MAP3K5: variants seen among roughly 807,000 people sequenced by gnomAD.
MAP3K5 encodes the protein mitogen-activated protein kinase kinase kinase 5.
A neutral mutation model predicts 158.7 loss-of-function variants in MAP3K5; 56 were observed. The ratio of observed to expected loss-of-function variants is 0.35; its 90% CI spans 0.28 to 0.44. The LOEUF is 0.44. MAP3K5 is among the 20% of genes least tolerant of loss of function. The probability of loss-of-function intolerance (pLI) is 1.00; values close to 1 mark genes in which losing one functional copy is unlikely to be tolerated. For missense variants in MAP3K5, 1,294 were observed against 1,674.8 expected, an observed-to-expected ratio of 0.77 and a Z score of 3.97; for synonymous variants, 579 against 601.7, an observed-to-expected ratio of 0.96 and a Z score of 0.55.
intron 1 of MAP3K5, among the ~76,000 whole-genome samples, chr6:136,757,579 A>ATTTTTTTTTTT (rs776508913): frequency 8.0e-5 from 9 of 111,970 alleles, no homozygotes; most frequent in African/African-American, 2.5e-4. Context: ...TTATTTATTT[A>ATTTTTTTTTTT]TTTTTTATTT....
At chr6:136,785,576 C>T (rs1784808293) in intron 1 of MAP3K5, among the ~76,000 whole-genome samples, 2 of 152,134 alleles carry the variant, frequency 1.3e-5, no homozygotes, top group South Asian at 4.1e-4. Flanking sequence ...ATCCCTGGGT[C>T]TTACGTCGGC....
chr6:136,683,801 GA>G (rs1780033780), intron 7 of MAP3K5, among the ~76,000 whole-genome samples: 1 of 152,046 alleles, frequency 6.6e-6, no homozygotes, highest in Non-Finnish European at 1.5e-5. Flanking sequence ...TCTATTCCTG[GA>G]AACTTCAGGA....
intron 1 of MAP3K5, among the ~76,000 whole-genome samples, chr6:136,721,317 A>C (rs1056503677): frequency 5.3e-5 from 8 of 152,192 alleles, no homozygotes; most frequent in African/African-American, 1.9e-4. Flanking sequence ...TAGTTAATCC[A>C]GAACTGGGTT....
intron 23 of MAP3K5, among the ~76,000 whole-genome samples, chr6:136,587,568 T>C (rs1775192827): frequency 6.6e-6 from 1 of 152,150 alleles, no homozygotes; most frequent in Non-Finnish European, 1.5e-5. Flanking sequence ...CTCCTAACCA[T>C]TCTATTCTAC....
intron 1 of MAP3K5, among the ~76,000 whole-genome samples, chr6:136,743,105 A>C (rs1226049453): frequency 6.6e-6 from 1 of 151,966 alleles, no homozygotes; most frequent in Non-Finnish European, 1.5e-5. Context: ...AGAAAAAGAA[A>C]AAGAACAAAA....
chr6:136,601,007 TA>T lies in MAP3K5; in HGVS notation c.2878+14del. ...CCAGGTCTCAGCTCAATGGGCAAAG[TA>T]AAAACAAACTCACCATTTGATCCAG... is the stretch of plus-strand genomic sequence containing the variant. On this transcript the variant is annotated intron_variant, in intron 21 of 29. Coordinates refer to ENST00000359015, the MANE Select transcript of MAP3K5 (RefSeq NM_005923.4). 1 of 1,613,544 alleles carries T rather than the reference TA, an allele frequency of 6.2e-7. No individual in the cohort carries two copies. Among genetic ancestry groups the T allele is most frequent in the South Asian group, 1.1e-5 (1 of 91,038 alleles).
intron 25 of MAP3K5, among the ~76,000 whole-genome samples, chr6:136,573,934 CT>C (rs10601118): frequency 0.082 from 11,905 of 144,406 alleles, 992 homozygotes; most frequent in African/African-American, 0.22. Flanking sequence ...TCTTTTCTTT[CT>C]TTTTTTTTTT....
At chr6:136,747,184 G>A (rs547415301) in intron 1 of MAP3K5, among the ~76,000 whole-genome samples, 1 of 152,330 alleles carries the variant, frequency 6.6e-6, no homozygotes, top group East Asian at 1.9e-4. Flanking sequence ...GGGATTACAG[G>A]CATGAGTTGC....
At chr6:136,558,029 A>G (rs530447207) in intron 29 of MAP3K5, among the ~76,000 whole-genome samples, 3 of 152,312 alleles carry the variant, frequency 2.0e-5, no homozygotes, top group Admixed American at 2.0e-4. Context: ...GTCCCAAAAC[A>G]TCATTTTAGA....
At chr6:136,644,011 T>C (rs928417900) in intron 11 of MAP3K5, among the ~76,000 whole-genome samples, 3 of 152,152 alleles carry the variant, frequency 2.0e-5, no homozygotes, top group South Asian at 2.1e-4. Context: ...TCCAAGACCA[T>C]GTCCAGGAGC....
At chr6:136,679,274 A>T (rs1280714236) in intron 7 of MAP3K5, among the ~76,000 whole-genome samples, 2 of 152,224 alleles carry the variant, frequency 1.3e-5, no homozygotes, top group Non-Finnish European at 2.9e-5. Context: ...AATCAAAAAT[A>T]AAGGAAATAT....
chr6:136,680,340 T>C (rs1409911279), intron 7 of MAP3K5, among the ~76,000 whole-genome samples: 3 of 152,228 alleles, frequency 2.0e-5, no homozygotes, highest in African/African-American at 7.2e-5. Context: ...GTAAATTTTA[T>C]GTTATATATA....
intron 7 of MAP3K5, among the ~76,000 whole-genome samples, chr6:136,690,188 G>C (rs1486672636): frequency 6.6e-6 from 1 of 151,964 alleles, no homozygotes; most frequent in Non-Finnish European, 1.5e-5. Flanking sequence ...ACTGAATTTG[G>C]AGTTTATGAT....
At position 136,558,869 on chromosome 6, in the gene MAP3K5, G is replaced by A; in HGVS notation, c.3995C>T (p.Ala1332Val). Residue 1332 changes from alanine to valine, a missense_variant, in exon 29 of 30, where the codon GCT (alanine) becomes GTT (valine). Transcript: ENST00000359015. ...ADEDTISRFL[A>V]EDYTLLDVLY... ...AACATCCAATAGTGTATAATCTTCAGCCAAAAACTGTAGAGAAAGTAGAAT... is the reference window on the plus strand; with the variant it reads ...AACATCCAATAGTGTATAATCTTCAACCAAAAACTGTAGAGAAAGTAGAAT... The A allele has an allele frequency of 6.3e-7, 1 of 1,575,632 alleles. No individual in the cohort carries two copies. Among genetic ancestry groups the A allele is most frequent in the Non-Finnish European group, 8.7e-7 (1 of 1,147,394 alleles).
In MAP3K5 at chr6:136,588,572, C is replaced by T. The variant is rs532074809; in HGVS notation, c.3225+3601G>A. On this transcript the variant is annotated intron_variant, in intron 23 of 29. Coordinates refer to ENST00000359015, the MANE Select transcript of MAP3K5 (RefSeq NM_005923.4). ...GGGATGCAGATATTTTTGTTCAGTTCGCCACAGCATCCCCAGCACATAGTA... is the reference window on the plus strand; with the variant it reads ...GGGATGCAGATATTTTTGTTCAGTTTGCCACAGCATCCCCAGCACATAGTA... Among the ~76,000 whole-genome samples the T allele has an allele frequency of 4.6e-4, 70 of 152,216 alleles. 2 individuals are homozygous for T. The highest frequency in any genetic ancestry group is 1.7e-3 in the East Asian group (9 of 5,182).
rs117299751 is a variant in MAP3K5, at chr6:136,769,869, G to C, written c.448+21841C>G. On this transcript the variant is annotated intron_variant, in intron 1 of 29. Coordinates refer to ENST00000359015, the MANE Select transcript of MAP3K5 (RefSeq NM_005923.4). ...GAGGGAGGGAGGGGAAGGGGAAGTG[G>C]AAGTGGAGAGAAGGGAAGGGAAAGG... 8.3e-3 allele frequency among the ~76,000 whole-genome samples: 980 copies of C among 118,474 alleles called. 14 individuals are homozygous for C. Among genetic ancestry groups the C allele is most frequent in the Non-Finnish European group, 0.013 (701 of 54,368 alleles). The allele number at this position is 118,474 out of a possible 152,430, so 77.7% of individuals were successfully genotyped here.
intron 19 of MAP3K5, among the ~76,000 whole-genome samples, chr6:136,603,391 T>C (rs1319876434): frequency 6.6e-6 from 1 of 151,238 alleles, no homozygotes; most frequent in Non-Finnish European, 1.5e-5. Context: ...TTGGCCAGGC[T>C]GGTCTTGAAC....
intron 10 of MAP3K5, chr6:136,656,089 C>A: frequency 4.0e-6 from 2 of 496,130 alleles, no homozygotes; most frequent in Non-Finnish European, 3.6e-6. Context: ...CACCCAAATT[C>A]CATGGCAAAA....
intron 1 of MAP3K5, among the ~76,000 whole-genome samples, chr6:136,778,931 A>G (rs1365929671): frequency 6.6e-6 from 1 of 152,186 alleles, no homozygotes; most frequent in Non-Finnish European, 1.5e-5. Context: ...TTTGGGGGAC[A>G]GATGCGGGAG....
Sources: gnomAD v4.1 joint callset for allele counts (sites outside exome capture counted in the v4.1 genomes callset) on GRCh38, gnomAD v4.1.1 for gene constraint, MANE v1.5 for transcripts, NCBI Gene and HGNC (gene_info 2026-07-23, HGNC 2026-07-21) for gene names.